PCDHA8: variants seen among roughly 807,000 people sequenced by gnomAD.
PCDHA8 encodes protocadherin alpha 8.
In PCDHA8, 53 loss-of-function variants were observed where a neutral mutation model predicts 61.8. The observed-to-expected ratio is 0.86, with a 90% CI of 0.69 to 1.08. The LOEUF (loss-of-function observed/expected upper bound fraction) is 1.08, where lower values mean the gene tolerates loss of function less well. PCDHA8 is among the 50% of genes least tolerant of loss of function. The pLI is 0.00. For synonymous variants in PCDHA8, 618 were observed against 556.6 expected (o/e 1.11, Z -1.55); for missense variants, 1,293 against 1,245.0 (o/e 1.04, Z -0.58).
chr5:141,009,709 C>T lies in PCDHA8; in HGVS notation c.2625C>T (p.Asn875=). The part of the protein sequence containing the change: ...NSWTFKYGPG[N]PKQSGPGELP... ...GGACCTTTAAATACGGACCAGGCAA[C>T]CCCAAACAATCCGGTCCCGGTGAGT... The change falls in exon 4 of 4, where the codon AAC becomes AAT. Residue 875 remains asparagine (N), a synonymous_variant. Coordinates refer to ENST00000531613, the MANE Select transcript of PCDHA8 (RefSeq NM_018911.3). 1 of 1,614,118 alleles carries T rather than the reference C, an allele frequency of 6.2e-7. No homozygotes were observed. Among genetic ancestry groups the T allele is most frequent in the Non-Finnish European group, 8.5e-7 (1 of 1,180,024 alleles).
At chr5:140,968,845 G>A in intron 1 of PCDHA8, 1 of 1,614,176 alleles carries the variant, frequency 6.2e-7, no homozygotes. Flanking sequence ...ACACTCAGAG[G>A]CATGTTAAGA....
At chr5:140,877,980 T>C in intron 1 of PCDHA8, 1 of 1,219,572 alleles carries the variant, frequency 8.2e-7, no homozygotes. Flanking sequence ...TTCTTACTCA[T>C]TTTGAACTTT....
intron 1 of PCDHA8, among the ~76,000 whole-genome samples, chr5:140,885,665 G>A (rs2060682140): frequency 6.6e-6 from 1 of 152,114 alleles, no homozygotes; most frequent in Non-Finnish European, 1.5e-5. Flanking sequence ...CCAGTTATGA[G>A]CACTCTTTCT....
chr5:140,976,427 T>C (rs2096715861), intron 1 of PCDHA8, among the ~76,000 whole-genome samples: 1 of 152,064 alleles, frequency 6.6e-6, no homozygotes, highest in Admixed American at 6.5e-5. Flanking sequence ...GGCAGATGCC[T>C]GTAATCCCAG....
At chr5:140,927,602 T>G (rs2084408838) in intron 1 of PCDHA8, 1 of 1,614,104 alleles carries the variant, frequency 6.2e-7, no homozygotes, top group African/African-American at 1.3e-5. Context: ...GAGCGCTCCG[T>G]ATACCGCACC....
At chr5:140,913,749 G>T (rs1166280044) in intron 1 of PCDHA8, among the ~76,000 whole-genome samples, 22 of 152,098 alleles carry the variant, frequency 1.4e-4, no homozygotes, top group Middle Eastern at 3.4e-3. Context: ...TCCTTTTGTT[G>T]TATCTCATAG....
At chr5:140,914,578 A>T (rs1858296) in intron 1 of PCDHA8, among the ~76,000 whole-genome samples, 49,681 of 151,930 alleles carry the variant, frequency 0.33, 8,403 homozygotes, top group East Asian at 0.53. Flanking sequence ...ACATTCAATA[A>T]TTTCATTTAA....
At chr5:140,864,577 A>G (rs1554158987) in intron 1 of PCDHA8, 2 of 152,198 alleles carry the variant, frequency 1.3e-5, no homozygotes, top group African/African-American at 4.8e-5. Context: ...TTGTCTTCAC[A>G]ATCTTCAACT....
intron 3 of PCDHA8, among the ~76,000 whole-genome samples, chr5:140,983,802 A>G (rs2097069375): frequency 6.6e-6 from 1 of 152,246 alleles, no homozygotes; most frequent in South Asian, 2.1e-4. Context: ...ATGTGTGTGT[A>G]AAAGGTTTTT....
chr5:140,966,341 G>T, intron 1 of PCDHA8: 1 of 396,732 alleles, frequency 2.5e-6, no homozygotes, highest in Non-Finnish European at 4.4e-6. Context: ...CAGGTCCAGG[G>T]TGAAGGAGAT....
intron 1 of PCDHA8, among the ~76,000 whole-genome samples, chr5:140,934,783 A>C (rs2090034582): frequency 6.6e-6 from 1 of 152,180 alleles, no homozygotes; most frequent in Non-Finnish European, 1.5e-5. Context: ...GGCCCAATCC[A>C]TGTCAATTAT....
chr5:140,942,540 G>C lies in PCDHA8; in HGVS notation c.2395-36409G>C, dbSNP rs1013086382. Among the ~76,000 whole-genome samples the C allele has an allele frequency of 8.5e-5, 13 of 152,164 alleles. No homozygotes were observed. In the South Asian group the frequency reaches 1.5e-3, roughly 17 times the overall value. ...GGGGAAGCAACTAACTCAGTATGGT[G>C]GGGGGTAGGGGGTTGAGGCAGAAAA... On this transcript the variant is annotated intron_variant, in intron 1 of 3. Transcript: ENST00000531613.
At chr5:140,897,298 G>A (rs1372345306) in intron 1 of PCDHA8, among the ~76,000 whole-genome samples, 18 of 150,818 alleles carry the variant, frequency 1.2e-4, no homozygotes, top group Non-Finnish European at 1.8e-4. Flanking sequence ...TCGTCATTTA[G>A]CATTAGGTAT....
At chr5:140,895,092 G>A (rs2064837860) in intron 1 of PCDHA8, among the ~76,000 whole-genome samples, 1 of 152,090 alleles carries the variant, frequency 6.6e-6, no homozygotes, top group Admixed American at 6.5e-5. Flanking sequence ...CCTCAGTATA[G>A]GGGTTTTTGC....
Position 140,841,430 on chromosome 5 carries a change from G to C in PCDHA8, c.109G>C (p.Glu37Gln). 5 of 1,612,964 alleles carry C rather than the reference G, an allele frequency of 3.1e-6. No homozygotes were observed. The highest frequency in any genetic ancestry group is 4.2e-6 in the Non-Finnish European group (5 of 1,179,874). ...GSGQLHYSVP[E>Q]EAKHGTFVGR... ...CGGCCAGCTCCACTACTCCGTCCCC[G>C]AGGAGGCCAAACACGGCACCTTCGT... The change falls in exon 1 of 4, where the codon GAG (glutamate) becomes CAG (glutamine). Residue 37 changes from glutamate to glutamine, a missense_variant. By Grantham distance (29) the Glu-to-Gln change is conservative. Coordinates refer to ENST00000531613, the MANE Select transcript of PCDHA8 (RefSeq NM_018911.3).
intron 1 of PCDHA8, chr5:140,848,965 C>G: frequency 6.2e-7 from 1 of 1,606,280 alleles, no homozygotes; most frequent in Non-Finnish European, 8.5e-7. Context: ...CTAGAGGGCG[C>G]GTCCGATGCA....
intron 1 of PCDHA8, among the ~76,000 whole-genome samples, chr5:140,846,033 A>T (rs1301242129): frequency 6.7e-6 from 1 of 149,692 alleles, no homozygotes; most frequent in East Asian, 1.9e-4. Flanking sequence ...GAGTTTAGGA[A>T]AGTCAAGTTA....
chr5:140,870,678 G>A (rs1304914174), intron 1 of PCDHA8: 3 of 1,612,744 alleles, frequency 1.9e-6, no homozygotes, highest in Non-Finnish European at 2.5e-6. Context: ...TGGACCACGA[G>A]GAGCTGGAGC....
At chr5:140,969,382 TC>T in intron 1 of PCDHA8, 1 of 1,597,954 alleles carries the variant, frequency 6.3e-7, no homozygotes, top group Non-Finnish European at 8.5e-7. Flanking sequence ...TTGTTACACA[TC>T]CCCCAATATC....
Sources: gnomAD v4.1 joint callset for allele counts (sites outside exome capture counted in the v4.1 genomes callset) on GRCh38, gnomAD v4.1.1 for gene constraint, MANE v1.5 for transcripts, NCBI Gene and HGNC (gene_info 2026-07-23, HGNC 2026-07-21) for gene names.